ERC1: variants seen among roughly 807,000 people sequenced by gnomAD.
The protein encoded by ERC1 is ELKS/RAB6-interacting/CAST family member 1.
A neutral mutation model predicts 132.0 loss-of-function variants in ERC1; 56 were observed. The observed-to-expected ratio is 0.42, with a 90% CI of 0.34 to 0.53. ERC1 has a LOEUF of 0.53. Ranked by LOEUF, ERC1 falls within the 20% of genes least tolerant of loss-of-function variation. ERC1 has a pLI of 0.03. For synonymous variants in ERC1, 478 were observed against 476.1 expected, an observed-to-expected ratio of 1.00 and a Z score of -0.05; for missense variants, 1,202 against 1,349.9, an observed-to-expected ratio of 0.89 and a Z score of 1.72.
At position 1,492,969 on chromosome 12, in the gene ERC1, T is replaced by C. The variant is rs1277103536; in HGVS notation, c.*2739T>C. 4.0e-5 allele frequency: 9 copies of C among 226,726 alleles called. No homozygotes were observed. Among genetic ancestry groups the C allele is most frequent in the Non-Finnish European group, 6.1e-5 (7 of 114,088 alleles). 14.0% of individuals were successfully genotyped at this position (226,726 alleles called of 1,614,324 possible). A position where few individuals can be genotyped will look rare whatever the true frequency, so the allele number is the denominator to read the frequency against. On this transcript the variant is annotated 3_prime_UTR_variant, in exon 19 of 19. Coordinates refer to ENST00000360905, the MANE Select transcript of ERC1 (RefSeq NM_178040.4). The stretch of plus-strand genomic sequence containing the variant: ...AAAACTCAGTGCAGGTTGCCCTTAA[T>C]TTTCCCCAAACCCCTCCATCGGCAA...
chr12:1,188,368 A>G (rs189954143), intron 11 of ERC1, among the ~76,000 whole-genome samples: 1 of 151,792 alleles, frequency 6.6e-6, no homozygotes. Context: ...CTCCTTTTCT[A>G]TTAGATATAT....
At chr12:1,354,464 A>G (rs138459774) in intron 15 of ERC1, among the ~76,000 whole-genome samples, 1 of 152,024 alleles carries the variant, frequency 6.6e-6, no homozygotes, top group Non-Finnish European at 1.5e-5. Flanking sequence ...CAGGGGTTTC[A>G]GTGAGCCGAG....
At chr12:1,122,213 C>CTCTA (rs1947472201) in intron 7 of ERC1, among the ~76,000 whole-genome samples, 1 of 68,594 alleles carries the variant, frequency 1.5e-5, no homozygotes, top group Non-Finnish European at 2.7e-5. Context: ...GTGTCTCTAT[C>CTCTA]TCTATCTCTA....
chr12:1,148,669 T>G (rs545872535), intron 8 of ERC1, among the ~76,000 whole-genome samples: 1 of 152,198 alleles, frequency 6.6e-6, no homozygotes, highest in Non-Finnish European at 1.5e-5. Context: ...TGGCGTGATA[T>G]TGGCTCCCTG....
At chr12:1,012,690 G>C (rs1414909210) in intron 1 of ERC1, among the ~76,000 whole-genome samples, 1 of 151,984 alleles carries the variant, frequency 6.6e-6, no homozygotes. Flanking sequence ...TCCTGACCTC[G>C]TGGTCTGCCT....
intron 14 of ERC1, among the ~76,000 whole-genome samples, chr12:1,271,206 G>C (rs796513012): frequency 7.9e-5 from 12 of 152,300 alleles, no homozygotes; most frequent in African/African-American, 2.6e-4. Context: ...AGGAGGTATA[G>C]AAGCAAAAAT....
chr12:1,288,375 A>G (rs981116721), intron 14 of ERC1, among the ~76,000 whole-genome samples: 3 of 152,216 alleles, frequency 2.0e-5, no homozygotes, highest in African/African-American at 7.2e-5. Context: ...TTGGCCTCCC[A>G]AAGTGCTGAG....
intron 18 of ERC1, among the ~76,000 whole-genome samples, chr12:1,470,620 C>T (rs888840552): frequency 3.9e-5 from 6 of 152,040 alleles, no homozygotes; most frequent in Admixed American, 6.6e-5. Context: ...ATTTTTATAA[C>T]GACGAGCCCT....
At chr12:1,431,811 T>C (rs2154403900) in intron 17 of ERC1, among the ~76,000 whole-genome samples, 1 of 152,364 alleles carries the variant, frequency 6.6e-6, no homozygotes, top group Admixed American at 6.5e-5. Context: ...ATATTATATT[T>C]ACCCTGTTAT....
chr12:1,063,805 G>C (rs756417539), intron 2 of ERC1, among the ~76,000 whole-genome samples: 5 of 152,048 alleles, frequency 3.3e-5, no homozygotes, highest in Non-Finnish European at 5.9e-5. Context: ...TATCCTTGCT[G>C]TTTGGTGGTA....
intron 13 of ERC1, among the ~76,000 whole-genome samples, chr12:1,241,209 G>A (rs972743702): frequency 6.6e-6 from 1 of 151,948 alleles, no homozygotes; most frequent in African/African-American, 2.4e-5. Flanking sequence ...TTAATTTTTT[G>A]CTCATTTTAC....
rs909842132 is a variant in ERC1, at chr12:1,262,980, T to C, written c.2488-54T>C. 43 of 1,583,324 alleles carry C rather than the reference T, an allele frequency of 2.7e-5. No homozygotes were observed. The East Asian group carries it at 9.4e-4, about 35-fold the overall frequency. On this transcript the variant is annotated intron_variant, in intron 13 of 18. Transcript: ENST00000360905. ...AACAGCCCTTTCTTAATAAATAGGC[T>C]CTCCCTGGGTTAAGTAATTAATCCA...
intron 13 of ERC1, among the ~76,000 whole-genome samples, chr12:1,248,638 C>T (rs747765158): frequency 9.9e-5 from 15 of 152,142 alleles, no homozygotes; most frequent in Non-Finnish European, 1.9e-4. Flanking sequence ...AAACAGTCTA[C>T]GTGAAAAGTT....
At chr12:1,376,889 T>C (rs1050364239) in intron 16 of ERC1, among the ~76,000 whole-genome samples, 10 of 152,222 alleles carry the variant, frequency 6.6e-5, no homozygotes, top group South Asian at 2.1e-4. Flanking sequence ...CCCTTTTCAC[T>C]GTTCCAGGCT....
chr12:1,484,059 A>C (rs1316050844), intron 18 of ERC1, among the ~76,000 whole-genome samples: 1 of 111,698 alleles, frequency 9.0e-6, no homozygotes, highest in Admixed American at 8.0e-5. Flanking sequence ...TAATCCCAGC[A>C]CTTTGGGAGG....
intron 1 of ERC1, among the ~76,000 whole-genome samples, chr12:997,446 A>G (rs1386580515): frequency 1.3e-5 from 2 of 152,242 alleles, no homozygotes; most frequent in Non-Finnish European, 2.9e-5. Context: ...ATGTGAATTC[A>G]CAAGTTGAAT....
At chr12:1,186,582 T>C (rs1436334348) in intron 11 of ERC1, among the ~76,000 whole-genome samples, 1 of 152,236 alleles carries the variant, frequency 6.6e-6, no homozygotes. Context: ...AGCTTTTGCT[T>C]CTGAATGTTC....
chr12:1,039,482 A>G (rs941219490), intron 2 of ERC1, among the ~76,000 whole-genome samples: 2 of 151,824 alleles, frequency 1.3e-5, no homozygotes, highest in Non-Finnish European at 2.9e-5. Context: ...GTGAGCTGTG[A>G]GTGCACTACT....
intron 2 of ERC1, among the ~76,000 whole-genome samples, chr12:1,055,264 C>G (rs1282441758): frequency 6.6e-6 from 1 of 152,148 alleles, no homozygotes; most frequent in East Asian, 1.9e-4. Flanking sequence ...ACTGCAACCT[C>G]TGCTTCCCGG....
Sources: gnomAD v4.1 joint callset for allele counts (sites outside exome capture counted in the v4.1 genomes callset) on GRCh38, gnomAD v4.1.1 for gene constraint, MANE v1.5 for transcripts, NCBI Gene and HGNC (gene_info 2026-07-23, HGNC 2026-07-21) for gene names.